The following MOG variants were observed in gnomAD, a reference collection of about 807,000 sequenced individuals.
The protein encoded by MOG is myelin oligodendrocyte glycoprotein, also known as myelin-oligodendrocyte glycoprotein.
A neutral mutation model predicts 35.9 loss-of-function variants in MOG; 20 were observed. The observed-to-expected ratio is 0.56, with a 90% CI of 0.39 to 0.81. MOG has a LOEUF of 0.81. Among genes scored for constraint, MOG ranks in the 30% least tolerant of loss-of-function variants. The probability of loss-of-function intolerance (pLI) is 0.00; values close to 1 mark genes in which losing one functional copy is unlikely to be tolerated. For synonymous variants in MOG, 92 were observed against 114.3 expected (o/e 0.80, Z 1.25); for missense variants, 251 against 301.0 (o/e 0.83, Z 1.23).
At chr6:29,663,729 G>T (rs1769461674) in intron 2 of MOG, among the ~76,000 whole-genome samples, 1 of 152,176 alleles carries the variant, frequency 6.6e-6, no homozygotes, top group African/African-American at 2.4e-5. Context: ...GGAAAAATGT[G>T]GGGGGTTGGG....
intron 3 of MOG, 151 bp downstream of exon 3, chr6:29,666,416 TGAAA>T: frequency 1.6e-6 from 1 of 608,934 alleles, no homozygotes; most frequent in Non-Finnish European, 2.9e-6. Flanking sequence ...AACTCCATGA[TGAAA>T]GAGTTTTACA....
chr6:29,667,594 C>G (rs1422225377), intron 3 of MOG, 49 bp from the exon 4 acceptor site: 2 of 1,611,858 alleles, frequency 1.2e-6, no homozygotes, highest in Non-Finnish European at 1.7e-6. Flanking sequence ...GGGTCCCCAC[C>G]GAGAGCCAGA....
intron 1 of MOG, among the ~76,000 whole-genome samples, chr6:29,659,006 G>T (rs1014110636): frequency 1.2e-4 from 19 of 152,132 alleles, no homozygotes; most frequent in African/African-American, 4.3e-4. Context: ...CAGCTACTCG[G>T]GAGGCTGAGG....
chr6:29,668,137 CTACTT>C (rs1173093506), intron 5 of MOG, among the ~76,000 whole-genome samples: 1 of 152,132 alleles, frequency 6.6e-6, no homozygotes, highest in Non-Finnish European at 1.5e-5. Flanking sequence ...ACTATTCTAA[CTACTT>C]TACAAAAATG....
Position 29,666,234 on chromosome 6 carries a change from C to T in MOG, c.519C>T (p.Leu173=), listed in dbSNP as rs756931798. 12 of 1,612,260 alleles carry T rather than the reference C, an allele frequency of 7.4e-6. No individual in the cohort carries two copies. The highest frequency in any genetic ancestry group is 4.5e-5 in the East Asian group (2 of 44,872). The change falls in exon 3 of 8, where the codon CTC becomes CTT. Residue 173 remains leucine (L), a synonymous_variant. Transcript: ENST00000376917. ...TCCTCCTGCAGATCACTGTTGGCCT[C>T]ATCTTCCTCTGCCTGCAGTACAGAC... ...PVLLLQITVG[L]IFLCLQYRLR...
Position 29,662,301 on chromosome 6 carries a change from T to G in MOG, c.436+2635T>G, listed in dbSNP as rs992627032. On this transcript the variant is annotated intron_variant, in intron 2 of 7. Coordinates refer to ENST00000376917, the MANE Select transcript of MOG (RefSeq NM_206809.4). The surrounding 1 kb of genome is among the most constrained non-coding windows in gnomAD (Gnocchi z 4.2). ...GAGTTCGAGACCAGCCTGATCAACA[T>G]GGAGAAACCCCGTCTCTACTAAAAA... 2 of 362,316 alleles carry G rather than the reference T, an allele frequency of 5.5e-6. No homozygotes were observed. Among genetic ancestry groups the G allele is most frequent in the Non-Finnish European group, 7.7e-6 (2 of 261,066 alleles). 22.4% of individuals were successfully genotyped at this position (362,316 alleles called of 1,614,324 possible).
intron 2 of MOG, 78 bp downstream of exon 2, chr6:29,659,744 C>G: frequency 8.5e-7 from 1 of 1,172,774 alleles, no homozygotes; most frequent in South Asian, 1.3e-5. Context: ...AGATGAGATC[C>G]CTCAACCCAA....
At chr6:29,666,584 T>C (rs1315709112) in intron 3 of MOG, among the ~76,000 whole-genome samples, 1 of 152,194 alleles carries the variant, frequency 6.6e-6, no homozygotes, top group African/African-American at 2.4e-5. Flanking sequence ...GTGGTAGAGC[T>C]GAGGCCTCTG....
Position 29,667,628 on chromosome 6 carries a change from C to T in MOG, c.551-15C>T. 1 of 1,613,986 alleles carries T rather than the reference C, an allele frequency of 6.2e-7. No homozygotes were observed. The highest frequency in any genetic ancestry group is 2.2e-5 in the East Asian group (1 of 44,882). ...GAACATGCAGGAACTAAAATGTTGC[C>T]TTTTTCTATTTTAGGAAAACTTCGA... On this transcript the variant is annotated splice_polypyrimidine_tract_variant and intron_variant, in intron 3 of 7. Coordinates refer to ENST00000376917, the MANE Select transcript of MOG (RefSeq NM_206809.4).
At position 29,662,273 on chromosome 6, in the gene MOG, C is replaced by T. The variant is rs978333094; in HGVS notation, c.436+2607C>T. ...CCGAAGCGGGCAGATCACCCGAGGT[C>T]AGGAGTTCGAGACCAGCCTGATCAA... On this transcript the variant is annotated intron_variant, in intron 2 of 7. Coordinates refer to ENST00000376917, the MANE Select transcript of MOG (RefSeq NM_206809.4). This position sits in a 1 kb window ranked among gnomAD's most constrained non-coding sequence, Gnocchi z 4.2. 12 of 679,848 alleles carry T rather than the reference C, an allele frequency of 1.8e-5. No individual in the cohort carries two copies. The Admixed American group carries it at 6.3e-4, about 36-fold the overall frequency. 42.1% of individuals were successfully genotyped at this position (679,848 alleles called of 1,614,324 possible).
intron 2 of MOG, chr6:29,664,880 G>A (rs903577716): frequency 2.3e-5 from 6 of 263,028 alleles, no homozygotes; most frequent in Admixed American, 5.2e-5. Context: ...CAAAGTGGTG[G>A]GATTACAGGG....
chr6:29,658,371 T>A (rs761306426), intron 1 of MOG, among the ~76,000 whole-genome samples: 5 of 151,356 alleles, frequency 3.3e-5, no homozygotes, highest in Non-Finnish European at 7.4e-5. Flanking sequence ...CACATCCACA[T>A]AGAAAAAAAC....
At chr6:29,661,939 C>G in intron 2 of MOG, 3 of 985,100 alleles carry the variant, frequency 3.0e-6, no homozygotes, top group Non-Finnish European at 3.6e-6. Context: ...CCCACCTCTT[C>G]GTCTGCATGC....
chr6:29,670,805 T>C lies in MOG; in HGVS notation c.730+84T>C, dbSNP rs960638541. ...AGCAACAAGAGGAAGAGGCGGGCTA[T>C]TGAGGGATCACATTCCCAGAGGAAA... On this transcript the variant is annotated intron_variant, in intron 7 of 7. Coordinates refer to ENST00000376917, the MANE Select transcript of MOG (RefSeq NM_206809.4). The surrounding 1 kb of genome is among the most constrained non-coding windows in gnomAD (Gnocchi z 4.2). 2 of 1,590,982 alleles carry C rather than the reference T, an allele frequency of 1.3e-6. No homozygotes were observed. The highest frequency in any genetic ancestry group is 1.7e-6 in the Non-Finnish European group (2 of 1,167,952).
chr6:29,667,520 C>T (rs1770476996), intron 3 of MOG, 123 bp from the exon 4 acceptor site: 1 of 929,736 alleles, frequency 1.1e-6, no homozygotes, highest in Admixed American at 1.8e-5. Flanking sequence ...TCCTACTCTC[C>T]TGAGGTTGTT....
intron 2 of MOG, chr6:29,661,589 G>C (rs1328259868): frequency 1.0e-6 from 1 of 966,418 alleles, no homozygotes; most frequent in African/African-American, 1.8e-5. Flanking sequence ...GGGAGGCCGA[G>C]GCGGGTGGAT....
At chr6:29,658,795 C>A (rs1203453467) in intron 1 of MOG, among the ~76,000 whole-genome samples, 1 of 152,146 alleles carries the variant, frequency 6.6e-6, no homozygotes, top group African/African-American at 2.4e-5. Context: ...TAACCAGAGT[C>A]TTTTTTGTCG....
At position 29,659,914 on chromosome 6, in the gene MOG, C is replaced by T. The variant is rs114686891; in HGVS notation, c.436+248C>T. 2.1e-3 allele frequency: 1,261 copies of T among 595,220 alleles called. 22 individuals carry two copies. In the African/African-American group the frequency reaches 0.022, roughly 10 times the overall value. The allele number at this position is 595,220 out of a possible 1,614,324, so 36.9% of individuals were successfully genotyped here. A position where few individuals can be genotyped will look rare whatever the true frequency, so the allele number is the denominator to read the frequency against. On this transcript the variant is annotated intron_variant, in intron 2 of 7. Coordinates refer to ENST00000376917, the MANE Select transcript of MOG (RefSeq NM_206809.4). The stretch of plus-strand genomic sequence containing the variant: ...TAAGTGACAGAATGAACAATGGTAG[C>T]CATACTGTGAATATTATGCAGGCAT...
chr6:29,666,137 A>C lies in MOG; in HGVS notation c.437-15A>C. The C allele has an allele frequency of 6.4e-7, 1 of 1,552,952 alleles. No individual in the cohort carries two copies. ...TCAGCTCTGGACAATGTCAAATGTC[A>C]GTCCTGCCTTTCAGATCCTTTCTAC... On this transcript the variant is annotated splice_polypyrimidine_tract_variant and intron_variant, in intron 2 of 7. Coordinates refer to ENST00000376917, the MANE Select transcript of MOG (RefSeq NM_206809.4).
Sources: gnomAD v4.1 joint callset for allele counts (sites outside exome capture counted in the v4.1 genomes callset) on GRCh38, gnomAD v4.1.1 for gene constraint, Gnocchi (gnomAD v3.1) non-coding constraint, MANE v1.5 for transcripts, NCBI Gene and HGNC (gene_info 2026-07-23, HGNC 2026-07-21) for gene names.